DAB1: variants seen among roughly 807,000 people sequenced by gnomAD.
DAB1 encodes the protein DAB adaptor protein 1.
A neutral mutation model predicts 64.6 loss-of-function variants in DAB1; 15 were observed. That is an observed-to-expected ratio of 0.23 (90% CI 0.16 to 0.36). The LOEUF (loss-of-function observed/expected upper bound fraction) is 0.36. DAB1 is among the 10% of genes least tolerant of loss of function. The probability of loss-of-function intolerance (pLI) is 1.00; values close to 1 mark genes in which losing one functional copy is unlikely to be tolerated. For synonymous variants in DAB1, 235 were observed against 251.9 expected (o/e 0.93, Z 0.64); for missense variants, 596 against 706.7 (o/e 0.84, Z 1.78).
At chr1:58,288,754 A>AG (rs1661750302) in intron 4 of DAB1, among the ~76,000 whole-genome samples, 2 of 152,166 alleles carry the variant, frequency 1.3e-5, no homozygotes, top group South Asian at 4.1e-4. Context: ...GACCCATTGC[A>AG]GTTACATTCT....
At chr1:58,520,371 G>A (rs1029624401) in intron 2 of DAB1, among the ~76,000 whole-genome samples, 12 of 152,062 alleles carry the variant, frequency 7.9e-5, no homozygotes, top group African/African-American at 2.9e-4. Flanking sequence ...TCAAGAATAA[G>A]AACACAAACT....
intron 4 of DAB1, among the ~76,000 whole-genome samples, chr1:58,276,861 C>T (rs988695735): frequency 3.3e-5 from 5 of 151,838 alleles, no homozygotes; most frequent in East Asian, 1.9e-4. Flanking sequence ...ATGTAGATCA[C>T]GAGATCATGA....
intron 1 of DAB1, among the ~76,000 whole-genome samples, chr1:57,868,620 G>A (rs1654404979): frequency 6.6e-6 from 1 of 152,010 alleles, no homozygotes; most frequent in Non-Finnish European, 1.5e-5. Flanking sequence ...GGTCAGCTGG[G>A]GGGCAAAATT....
At chr1:57,612,912 C>A (rs1013053041) in intron 7 of DAB1, among the ~76,000 whole-genome samples, 45 of 152,044 alleles carry the variant, frequency 3.0e-4, no homozygotes, top group African/African-American at 1.1e-3. Context: ...AAACCATGAA[C>A]GGTATGTGTA....
At chr1:58,195,136 G>C (rs897095567) in intron 4 of DAB1, among the ~76,000 whole-genome samples, 1 of 151,560 alleles carries the variant, frequency 6.6e-6, no homozygotes, top group Non-Finnish European at 1.5e-5. Flanking sequence ...GAGAGAGAGA[G>C]AGAGAGACAG....
intron 3 of DAB1, among the ~76,000 whole-genome samples, chr1:58,436,263 T>A (rs2100253879): frequency 6.6e-6 from 1 of 152,192 alleles, no homozygotes; most frequent in Non-Finnish European, 1.5e-5. Context: ...TTAAGCATTA[T>A]CTAATATAAT....
chr1:57,540,118 G>A (rs1644784152), intron 7 of DAB1, among the ~76,000 whole-genome samples: 1 of 152,250 alleles, frequency 6.6e-6, no homozygotes, highest in East Asian at 1.9e-4. Context: ...TTTTAAAATT[G>A]TGGTATTACT....
In DAB1 at chr1:57,480,822, A is replaced by G. The variant is rs554534619; in HGVS notation, n.625+168770T>C. ...GTAATTCTTACAACAAATCTACTAGATAGGCATCACAGTAGCCATTCTGGA... is the reference window on the plus strand; with the variant it reads ...GTAATTCTTACAACAAATCTACTAGGTAGGCATCACAGTAGCCATTCTGGA... On this transcript the variant is annotated intron_variant and non_coding_transcript_variant, in intron 7 of 20. Coordinates refer to the DAB1 transcript ENST00000485760. Among the ~76,000 whole-genome samples, 27 of 152,266 alleles carry G rather than the reference A, an allele frequency of 1.8e-4. No homozygotes were observed. The South Asian group carries it at 5.4e-3, about 30-fold the overall frequency.
chr1:57,842,119 C>T (rs1653079965), intron 1 of DAB1, among the ~76,000 whole-genome samples: 1 of 152,166 alleles, frequency 6.6e-6, no homozygotes, highest in African/African-American at 2.4e-5. Context: ...CCACCAGATA[C>T]CCTAAATCAT....
intron 3 of DAB1, among the ~76,000 whole-genome samples, chr1:58,441,170 G>C (rs1350090620): frequency 6.6e-6 from 1 of 152,208 alleles, no homozygotes; most frequent in Non-Finnish European, 1.5e-5. Context: ...TGCAGGTGCT[G>C]GCCATAGAAA....
intron 6 of DAB1, among the ~76,000 whole-genome samples, chr1:57,676,479 G>A (rs1482824844): frequency 6.6e-6 from 1 of 152,158 alleles, no homozygotes; most frequent in African/African-American, 2.4e-5. Flanking sequence ...AGCAATTCCT[G>A]TTACATTTTT....
intron 7 of DAB1, among the ~76,000 whole-genome samples, chr1:57,621,001 G>T (rs947245): frequency 0.75 from 113,532 of 151,830 alleles, 45,473 homozygotes; most frequent in Non-Finnish European, 0.88. Context: ...GTGTGTGTGT[G>T]TTTGTGTCTG....
chr1:58,336,902 C>T (rs558603211), intron 4 of DAB1, among the ~76,000 whole-genome samples: 1 of 152,266 alleles, frequency 6.6e-6, no homozygotes, highest in Non-Finnish European at 1.5e-5. Context: ...CTGGGCCCAA[C>T]ACTTTAGCAC....
At chr1:57,305,730 G>A (rs1189713677) in intron 1 of DAB1, among the ~76,000 whole-genome samples, 1 of 152,112 alleles carries the variant, frequency 6.6e-6, no homozygotes, top group Non-Finnish European at 1.5e-5. Context: ...AGCACTTTGG[G>A]AGGCGGAGGC....
At chr1:57,327,543 C>A (rs943234340) in intron 1 of DAB1, among the ~76,000 whole-genome samples, 1 of 152,088 alleles carries the variant, frequency 6.6e-6, no homozygotes, top group African/African-American at 2.4e-5. Context: ...ACCTGGCAAC[C>A]AATCACCCCA....
intron 2 of DAB1, among the ~76,000 whole-genome samples, chr1:57,199,680 G>A (rs1484724744): frequency 6.6e-6 from 1 of 152,192 alleles, no homozygotes; most frequent in Non-Finnish European, 1.5e-5. Context: ...TCAGCAGCAT[G>A]AAAAGTCAAG....
chr1:58,179,330 C>A (rs1316760632), intron 4 of DAB1, among the ~76,000 whole-genome samples: 2 of 152,040 alleles, frequency 1.3e-5, no homozygotes, highest in Non-Finnish European at 2.9e-5. Context: ...ACTTTGGTAT[C>A]AAGTTAACAC....
At chr1:58,377,653 G>T (rs1644342136) in intron 3 of DAB1, among the ~76,000 whole-genome samples, 1 of 139,446 alleles carries the variant, frequency 7.2e-6, no homozygotes, top group Non-Finnish European at 1.6e-5. Context: ...TGACAATTAT[G>T]TGTCTTGGAG....
chr1:57,299,112 G>A (rs1673430014), intron 1 of DAB1, among the ~76,000 whole-genome samples: 2 of 152,172 alleles, frequency 1.3e-5, no homozygotes, highest in Admixed American at 1.3e-4. Context: ...TCCAAACAAT[G>A]TGGCCAAAAT....
Sources: gnomAD v4.1 joint callset for allele counts (sites outside exome capture counted in the v4.1 genomes callset) on GRCh38, gnomAD v4.1.1 for gene constraint, MANE v1.5 for transcripts, NCBI Gene and HGNC (gene_info 2026-07-23, HGNC 2026-07-21) for gene names.